Variants in CFAP43 observed in about 807,000 individuals in gnomAD.
CFAP43 encodes the protein cilia and flagella associated protein 43.
CFAP43 carries 155 observed loss-of-function variants against 218.9 expected under a neutral mutation model. The ratio of observed to expected loss-of-function variants is 0.71; its 90% CI spans 0.62 to 0.81. CFAP43 has a LOEUF of 0.81. CFAP43 is among the 30% of genes least tolerant of loss of function. The probability of loss-of-function intolerance (pLI) is 0.00; values close to 1 mark genes in which losing one functional copy is unlikely to be tolerated. For synonymous variants in CFAP43, 645 were observed against 681.3 expected, an observed-to-expected ratio of 0.95 and a Z score of 0.83; for missense variants, 1,778 against 1,954.3, an observed-to-expected ratio of 0.91 and a Z score of 1.70.
intron 23 of CFAP43, among the ~76,000 whole-genome samples, chr10:104,165,031 GGAAAA>G (rs1473497680): frequency 6.6e-6 from 1 of 152,170 alleles, no homozygotes; most frequent in Non-Finnish European, 1.5e-5. Context: ...GGGTAGATGT[GGAAAA>G]GAAGAGATAG....
In CFAP43 at chr10:104,145,575, A is replaced by G; in HGVS notation, c.3856-11T>C. The G allele has an allele frequency of 6.3e-7, 1 of 1,581,714 alleles. No homozygotes were observed. Among genetic ancestry groups the G allele is most frequent in the South Asian group, 1.1e-5 (1 of 87,704 alleles). ...GCTGCGATCCATAACCTAAGGACAA[A>G]CATGACATTTGAGGACTGCAACTTG... On this transcript the variant is annotated splice_polypyrimidine_tract_variant and intron_variant, in intron 30 of 37. Transcript: ENST00000357060.
At chr10:104,211,883 A>G in intron 5 of CFAP43, 124 bp downstream of exon 5, 1 of 1,148,192 alleles carries the variant, frequency 8.7e-7, no homozygotes, top group Middle Eastern at 3.1e-4. Context: ...GCTAATCTAT[A>G]TTAAAAACCA....
At chr10:104,184,641 GCCA>G (rs1194123365) in intron 16 of CFAP43, among the ~76,000 whole-genome samples, 1 of 151,878 alleles carries the variant, frequency 6.6e-6, no homozygotes, top group African/African-American at 2.4e-5. Flanking sequence ...CACAATCGGG[GCCA>G]CCATTTCCCC....
intron 34 of CFAP43, among the ~76,000 whole-genome samples, chr10:104,139,606 C>T (rs1035349577): frequency 1.3e-5 from 2 of 152,002 alleles, no homozygotes; most frequent in African/African-American, 2.4e-5. Context: ...AACAAATGAA[C>T]GAACCTGGCA....
At chr10:104,155,197 G>A (rs760198307) in intron 27 of CFAP43, among the ~76,000 whole-genome samples, 5 of 152,124 alleles carry the variant, frequency 3.3e-5, no homozygotes, top group Admixed American at 6.5e-5. Context: ...TCCATCAGCC[G>A]GTCACTGGCT....
intron 3 of CFAP43, among the ~76,000 whole-genome samples, chr10:104,225,206 C>A (rs1387962744): frequency 6.6e-6 from 1 of 152,036 alleles, no homozygotes; most frequent in African/African-American, 2.4e-5. Flanking sequence ...TAAATATATT[C>A]TCTATCTGAG....
chr10:104,141,150 G>A (rs768824120), intron 33 of CFAP43, 149 bp from the exon 34 acceptor site: 9 of 819,170 alleles, frequency 1.1e-5, no homozygotes, highest in Non-Finnish European at 1.5e-5. Context: ...TTTCCTAGAG[G>A]TCTCTCTGAA....
At chr10:104,210,795 T>A (rs1280514956) in intron 5 of CFAP43, among the ~76,000 whole-genome samples, 1 of 138,676 alleles carries the variant, frequency 7.2e-6, no homozygotes, top group Non-Finnish European at 1.6e-5. Context: ...TTTTTTTTTT[T>A]TTTTTTTTTT....
At chr10:104,149,139 G>T (rs1241297852) in intron 28 of CFAP43, among the ~76,000 whole-genome samples, 1 of 152,054 alleles carries the variant, frequency 6.6e-6, no homozygotes, top group Admixed American at 6.6e-5. Context: ...GTTTATCAAG[G>T]CTTCATCCTT....
rs181403105 is a variant in CFAP43 at position 104,204,600 on chromosome 10, A to G, written c.964-797T>C. On this transcript the variant is annotated intron_variant, in intron 7 of 37. Transcript: ENST00000357060. ...ATAATAGTTACTTTAAAGGGGGTTA[A>G]ACAAACATCAAGGGTGGTCTTGAAG... Among the ~76,000 whole-genome samples the G allele has an allele frequency of 3.2e-4, 49 of 152,312 alleles. 1 individual carries two copies. The highest frequency in any genetic ancestry group is 2.4e-3 in the Admixed American group (37 of 15,302).
chr10:104,179,730 G>C (rs1937562259), intron 18 of CFAP43, 110 bp downstream of exon 18: 6 of 792,256 alleles, frequency 7.6e-6, no homozygotes, highest in Non-Finnish European at 1.3e-5. Context: ...GCTCTGCCAA[G>C]TGGTGTCTCA....
At chr10:104,201,216 C>T (rs553406811) in intron 8 of CFAP43, among the ~76,000 whole-genome samples, 1 of 152,090 alleles carries the variant, frequency 6.6e-6, no homozygotes, top group African/African-American at 2.4e-5. Flanking sequence ...TGAAATAAGC[C>T]CATTTATCTT....
intron 3 of CFAP43, among the ~76,000 whole-genome samples, chr10:104,225,211 T>C (rs554959442): frequency 2.4e-4 from 37 of 152,248 alleles, no homozygotes; most frequent in South Asian, 1.9e-3. Flanking sequence ...ATATTCTCTA[T>C]CTGAGAATAC....
chr10:104,185,406 T>C (rs575678081), intron 15 of CFAP43, among the ~76,000 whole-genome samples: 3 of 152,060 alleles, frequency 2.0e-5, no homozygotes, highest in African/African-American at 7.2e-5. Flanking sequence ...CAATTTATAA[T>C]AGGAAATCAG....
At chr10:104,221,630 T>C (rs1313927312) in intron 3 of CFAP43, among the ~76,000 whole-genome samples, 1 of 152,238 alleles carries the variant, frequency 6.6e-6, no homozygotes, top group Non-Finnish European at 1.5e-5. Context: ...ACCCAGTCTA[T>C]GGGATTTTGT....
intron 27 of CFAP43, among the ~76,000 whole-genome samples, chr10:104,157,110 A>T (rs536764771): frequency 2.0e-5 from 3 of 152,358 alleles, no homozygotes; most frequent in African/African-American, 7.2e-5. Context: ...TGAACTGCAC[A>T]TTTTTGTTGT....
intron 14 of CFAP43, among the ~76,000 whole-genome samples, chr10:104,186,843 G>C (rs1308594439): frequency 6.6e-6 from 1 of 152,180 alleles, no homozygotes; most frequent in Non-Finnish European, 1.5e-5. Flanking sequence ...CAGCAAGCAG[G>C]AGGGTACTGG....
At chr10:104,177,470 C>T (rs1029888456) in intron 19 of CFAP43, among the ~76,000 whole-genome samples, 1 of 152,166 alleles carries the variant, frequency 6.6e-6, no homozygotes, top group African/African-American at 2.4e-5. Context: ...TAGTCTTCTG[C>T]CCTGCAATCT....
intron 23 of CFAP43, among the ~76,000 whole-genome samples, chr10:104,165,666 T>C (rs1397511462): frequency 6.6e-6 from 1 of 151,654 alleles, no homozygotes; most frequent in African/African-American, 2.4e-5. Context: ...TCTACATGTA[T>C]AGACGTATTC....
Sources: allele counts gnomAD v4.1 joint callset (sites outside exome capture counted in the v4.1 genomes callset), GRCh38; gene constraint gnomAD v4.1.1; transcripts MANE v1.5; gene names NCBI Gene and HGNC (gene_info 2026-07-23, HGNC 2026-07-21).